FMNL2: variants seen among roughly 807,000 people sequenced by gnomAD.
FMNL2 encodes the protein formin-like protein 2.
FMNL2 carries 51 observed loss-of-function variants against 130.2 expected under a neutral mutation model. The observed-to-expected ratio is 0.39, with a 90% CI of 0.31 to 0.49. FMNL2 has a LOEUF of 0.49. Among genes scored for constraint, FMNL2 ranks in the 20% least tolerant of loss-of-function variants. FMNL2 has a pLI of 0.85. For synonymous variants in FMNL2, 465 were observed against 467.1 expected, an observed-to-expected ratio of 1.00 and a Z score of 0.06; for missense variants, 977 against 1,316.2, an observed-to-expected ratio of 0.74 and a Z score of 3.99.
chr2:152,626,461 G>A, intron 16 of FMNL2, 64 bp from the exon 17 acceptor site: 1 of 1,375,468 alleles, frequency 7.3e-7, no homozygotes, highest in Non-Finnish European at 9.9e-7. Flanking sequence ...AAACTAACTG[G>A]TGGCTTCCGG....
At chr2:152,643,433 C>A (rs775919360) in intron 25 of FMNL2, 1 of 1,536,078 alleles carries the variant, frequency 6.5e-7, no homozygotes, top group South Asian at 1.2e-5. Flanking sequence ...GAAGACTGTG[C>A]CCTTTACTGC....
chr2:152,426,780 C>T (rs542490260), intron 1 of FMNL2, among the ~76,000 whole-genome samples: 15 of 152,184 alleles, frequency 9.9e-5, no homozygotes, highest in Non-Finnish European at 1.6e-4. Context: ...TAGCCTATTC[C>T]TATTGTCAAC....
chr2:152,518,180 C>T (rs1020680215), intron 1 of FMNL2, among the ~76,000 whole-genome samples: 2 of 152,168 alleles, frequency 1.3e-5, no homozygotes, highest in Non-Finnish European at 2.9e-5. Context: ...TTATTACCAG[C>T]TAATCACAAC....
intron 9 of FMNL2, among the ~76,000 whole-genome samples, chr2:152,605,000 C>T (rs891741015): frequency 6.8e-5 from 10 of 147,214 alleles, no homozygotes; most frequent in Admixed American, 4.1e-4. Context: ...GCAAGAGATG[C>T]TTGTCTCTTT....
At chr2:152,626,394 G>C (rs1580129402) in intron 16 of FMNL2, 131 bp from the exon 17 acceptor site, 3 of 712,908 alleles carry the variant, frequency 4.2e-6, no homozygotes, top group Admixed American at 3.0e-5. Context: ...AAGAAAAATA[G>C]AGGAAGCCAT....
chr2:152,581,798 G>C (rs1362335481), intron 9 of FMNL2, among the ~76,000 whole-genome samples: 1 of 152,194 alleles, frequency 6.6e-6, no homozygotes, highest in Non-Finnish European at 1.5e-5. Flanking sequence ...GTAGTCCTTA[G>C]AGAACAGGTG....
intron 1 of FMNL2, among the ~76,000 whole-genome samples, chr2:152,411,830 G>A (rs180783351): frequency 3.6e-4 from 55 of 152,270 alleles, no homozygotes; most frequent in Non-Finnish European, 7.5e-4. Flanking sequence ...GGTGCCATGA[G>A]GTAACCTTGG....
chr2:152,493,961 C>A (rs745714646), intron 1 of FMNL2, among the ~76,000 whole-genome samples: 3 of 152,210 alleles, frequency 2.0e-5, no homozygotes, highest in Non-Finnish European at 2.9e-5. Flanking sequence ...CAGATATTAA[C>A]AAAGCATTTG....
intron 1 of FMNL2, among the ~76,000 whole-genome samples, chr2:152,337,143 G>A (rs1681517660): frequency 1.3e-5 from 2 of 152,174 alleles, no homozygotes; most frequent in South Asian, 4.1e-4. Flanking sequence ...GAGGTTGCTT[G>A]TGTTGCTTTG....
At chr2:152,576,376 G>A (rs1368019064) in intron 7 of FMNL2, among the ~76,000 whole-genome samples, 1 of 152,242 alleles carries the variant, frequency 6.6e-6, no homozygotes, top group Non-Finnish European at 1.5e-5. Context: ...AAATAAATTG[G>A]TAAAATGTAT....
intron 1 of FMNL2, among the ~76,000 whole-genome samples, chr2:152,336,092 A>G (rs796939733): frequency 7.6e-6 from 1 of 132,268 alleles, no homozygotes; most frequent in Non-Finnish European, 1.7e-5. Context: ...TTTTTTTAAA[A>G]AAAACAAAAC....
At chr2:152,385,914 A>C (rs1400966541) in intron 1 of FMNL2, among the ~76,000 whole-genome samples, 1 of 152,164 alleles carries the variant, frequency 6.6e-6, no homozygotes, top group Non-Finnish European at 1.5e-5. Flanking sequence ...ATTGTAATGA[A>C]AGGCTGTCAG....
At chr2:152,560,502 G>A (rs1374001260) in intron 5 of FMNL2, among the ~76,000 whole-genome samples, 6 of 152,186 alleles carry the variant, frequency 3.9e-5, no homozygotes, top group African/African-American at 1.4e-4. Flanking sequence ...GAATAAATTA[G>A]TATAAGCCTA....
chr2:152,638,771 C>A (rs1394690468), intron 23 of FMNL2, among the ~76,000 whole-genome samples: 2 of 152,192 alleles, frequency 1.3e-5, no homozygotes, highest in African/African-American at 4.8e-5. Context: ...AGCCCACTGG[C>A]TGGCTGTGTT....
In FMNL2 at chr2:152,648,439, A is replaced by G. The variant is rs1419316511; in HGVS notation, c.*534A>G. 6.5e-6 allele frequency: 1 copy of G among 154,218 alleles called. No individual in the cohort carries two copies. The highest frequency in any genetic ancestry group is 1.4e-5 in the Non-Finnish European group (1 of 69,246). The allele number at this position is 154,218 out of a possible 1,614,324, so 9.6% of individuals were successfully genotyped here. ...GCAAACAGGATGCAACTGCAGTGGC[A>G]CAAAGGTCACTCAATCCTTTGTTTC... On this transcript the variant is annotated 3_prime_UTR_variant, in exon 26 of 26. Transcript: ENST00000288670.
At chr2:152,617,956 G>A (rs746673741) in intron 13 of FMNL2, among the ~76,000 whole-genome samples, 5 of 152,178 alleles carry the variant, frequency 3.3e-5, no homozygotes, top group Non-Finnish European at 7.3e-5. Context: ...TTTCTGGCAC[G>A]CCTTCGAGAC....
chr2:152,494,930 T>C (rs1213415405), intron 1 of FMNL2, among the ~76,000 whole-genome samples: 2 of 152,202 alleles, frequency 1.3e-5, no homozygotes, highest in Non-Finnish European at 2.9e-5. Flanking sequence ...GGCCCTGTTA[T>C]GCAGAGGACA....
rs529697486 is a variant in FMNL2 at position 152,345,989 on chromosome 2, A to G, written c.117+10269A>G. Among the ~76,000 whole-genome samples, 8 of 152,260 alleles carry G rather than the reference A, an allele frequency of 5.3e-5. No individual in the cohort carries two copies. In the South Asian group the frequency reaches 1.7e-3, roughly 32 times the overall value. On this transcript the variant is annotated intron_variant, in intron 1 of 25. Coordinates refer to ENST00000288670, the MANE Select transcript of FMNL2 (RefSeq NM_052905.4). ...ACCAGGTCTCATTTCTCATTTAATT[A>G]AACAAGTCTTTAACATTAAACACCT...
intron 2 of FMNL2, 45 bp from the exon 3 acceptor site, chr2:152,542,694 A>T: frequency 6.3e-7 from 1 of 1,597,150 alleles, no homozygotes; most frequent in African/African-American, 1.3e-5. Context: ...TGACTGTGTC[A>T]TGGCTTCATA....
Sources: allele counts gnomAD v4.1 joint callset (sites outside exome capture counted in the v4.1 genomes callset), GRCh38; gene constraint gnomAD v4.1.1; transcripts MANE v1.5; gene names NCBI Gene and HGNC (gene_info 2026-07-23, HGNC 2026-07-21).